Variants in CASTOR2 observed in about 807,000 individuals in gnomAD.
CASTOR2 encodes the protein cytosolic arginine sensor for mTORC1 subunit 2, also known as GATS protein like 2.
A neutral mutation model predicts 31.2 loss-of-function variants in CASTOR2; 8 were observed. The ratio of observed to expected loss-of-function variants is 0.26; its 90% CI spans 0.15 to 0.46. The LOEUF (loss-of-function observed/expected upper bound fraction) is 0.46. CASTOR2 is among the 20% of genes least tolerant of loss of function. The pLI, the probability that CASTOR2 is intolerant of heterozygous loss-of-function variation, is 0.99. For missense variants in CASTOR2, 216 were observed against 382.1 expected (o/e 0.57, Z 3.62); for synonymous variants, 162 against 158.7 (o/e 1.02, Z -0.16).
At chr7:75,011,504 G>T (rs1396295469) in intron 2 of CASTOR2, among the ~76,000 whole-genome samples, 1 of 151,378 alleles carries the variant, frequency 6.6e-6, no homozygotes, top group Non-Finnish European at 1.5e-5. Context: ...GGAGGCCGAG[G>T]TGGGTGGATC....
intron 1 of CASTOR2, among the ~76,000 whole-genome samples, chr7:74,998,483 A>T (rs1214496541): frequency 6.6e-6 from 1 of 151,982 alleles, no homozygotes; most frequent in Non-Finnish European, 1.5e-5. Context: ...CACGCCTGTA[A>T]TCCCGGCTAC....
At chr7:74,996,086 G>C (rs1249567361) in intron 1 of CASTOR2, among the ~76,000 whole-genome samples, 1 of 152,112 alleles carries the variant, frequency 6.6e-6, no homozygotes, top group Non-Finnish European at 1.5e-5. Context: ...GAGCGTGGCA[G>C]AGGGGCAGGG....
At chr7:75,011,418 G>A in intron 2 of CASTOR2, among the ~76,000 whole-genome samples, 1 of 121,946 alleles carries the variant, frequency 8.2e-6, no homozygotes. Flanking sequence ...GATGGAGCAA[G>A]ACTCCATCTC....
At chr7:74,999,094 C>A (rs1469469550) in intron 1 of CASTOR2, among the ~76,000 whole-genome samples, 21 of 152,184 alleles carry the variant, frequency 1.4e-4, no homozygotes, top group African/African-American at 5.1e-4. Context: ...CTCCTGTGCT[C>A]ACACCATTCT....
Position 75,028,192 on chromosome 7 carries a change from A to AAC in CASTOR2, c.*3493_*3494insAC. On this transcript the variant is annotated 3_prime_UTR_variant, in exon 9 of 9. Coordinates refer to ENST00000616305, the MANE Select transcript of CASTOR2 (RefSeq NM_001145064.3). ...GAGTGCTGTGGCATGATCTCAGCTC[A>AAC]CTGCAGCAACCTCCACTTCCTGGGT... is the stretch of plus-strand genomic sequence containing the variant. 1 of 990,162 alleles carries AAC rather than the reference A, an allele frequency of 1.0e-6. No homozygotes were observed. Among genetic ancestry groups the AAC allele is most frequent in the South Asian group, 1.7e-5 (1 of 57,518 alleles). 61.3% of individuals were successfully genotyped at this position (990,162 alleles called of 1,614,324 possible).
Position 74,989,475 on chromosome 7 carries a change from G to T in CASTOR2, c.114-18519G>T, listed in dbSNP as rs1804153258. On this transcript the variant is annotated intron_variant, in intron 1 of 8. Coordinates refer to ENST00000616305, the MANE Select transcript of CASTOR2 (RefSeq NM_001145064.3). ...CTCGCTCTGTCACCCAGGCTGGAGT[G>T]CAGTGGCGCAATCATAGCTCACCAC... 2.0e-5 allele frequency among the ~76,000 whole-genome samples: 3 copies of T among 152,064 alleles called. 1 individual carries two copies. The South Asian group carries it at 6.2e-4, about 31-fold the overall frequency.
At chr7:75,021,586 C>G (rs1341513905) in intron 6 of CASTOR2, among the ~76,000 whole-genome samples, 1 of 152,188 alleles carries the variant, frequency 6.6e-6, no homozygotes, top group Non-Finnish European at 1.5e-5. Context: ...AGCTTGTGCT[C>G]TGGACCTGGG....
In CASTOR2 at chr7:75,021,867, T is replaced by G; in HGVS notation, c.747-7T>G. ...CCTCGGGGATTCTTCTCTCGCTCCT[T>G]TTGAAGGTTTCCTAGTAACTTGCTG... On this transcript the variant is annotated splice_polypyrimidine_tract_variant and splice_region_variant and intron_variant, in intron 6 of 8. Transcript: ENST00000616305. 2 of 1,551,646 alleles carry G rather than the reference T, an allele frequency of 1.3e-6. No individual in the cohort carries two copies. The highest frequency in any genetic ancestry group is 1.7e-6 in the Non-Finnish European group (2 of 1,146,862).
intron 1 of CASTOR2, among the ~76,000 whole-genome samples, chr7:74,999,876 G>A (rs1804452988): frequency 6.6e-6 from 1 of 152,112 alleles, no homozygotes; most frequent in African/African-American, 2.4e-5. Context: ...GCCTTCCAAA[G>A]TGCTGGGATT....
intron 1 of CASTOR2, among the ~76,000 whole-genome samples, chr7:74,998,912 C>G (rs1251858329): frequency 3.5e-4 from 53 of 152,204 alleles, no homozygotes; most frequent in Middle Eastern, 6.8e-3. Context: ...CATAATCACC[C>G]TGGAATTTGC....
chr7:75,003,912 C>T (rs1186726979), intron 1 of CASTOR2, among the ~76,000 whole-genome samples: 1 of 152,124 alleles, frequency 6.6e-6, no homozygotes, highest in Non-Finnish European at 1.5e-5. Context: ...GAGATGTCCC[C>T]TAGCTCAGCC....
intron 1 of CASTOR2, among the ~76,000 whole-genome samples, chr7:74,992,958 T>C (rs1804247678): frequency 6.6e-6 from 1 of 151,600 alleles, no homozygotes; most frequent in Admixed American, 6.6e-5. Flanking sequence ...CCCAGCACTT[T>C]GGGAGGCCGA....
Position 75,026,241 on chromosome 7 carries a change from A to G in CASTOR2, c.*1542A>G, listed in dbSNP as rs1162267133. On this transcript the variant is annotated 3_prime_UTR_variant, in exon 9 of 9. Coordinates refer to ENST00000616305, the MANE Select transcript of CASTOR2 (RefSeq NM_001145064.3). ...GTCTGGCTCTGTTGCCTAGGCTGGA[A>G]TGCAGTGGCACGATCTTGGCTCACT... Among the ~76,000 whole-genome samples, 2 of 143,130 alleles carry G rather than the reference A, an allele frequency of 1.4e-5. No individual in the cohort carries two copies. The highest frequency in any genetic ancestry group is 2.3e-4 in the South Asian group (1 of 4,438). The allele number at this position is 143,130 out of a possible 152,430, so 93.9% of individuals were successfully genotyped here.
Position 74,972,473 on chromosome 7 carries a change from C to G in CASTOR2, c.113+7375C>G, listed in dbSNP as rs1803698095. ...AATGCTGTTATCTTTAAATTCCATT[C>G]TAGAAAGTCCACTGGATTGGCAAAA... On this transcript the variant is annotated intron_variant, in intron 1 of 8. Coordinates refer to ENST00000616305, the MANE Select transcript of CASTOR2 (RefSeq NM_001145064.3). Among the ~76,000 whole-genome samples, 3 of 151,190 alleles carry G rather than the reference C, an allele frequency of 2.0e-5. 1 individual carries two copies. The highest frequency in any genetic ancestry group is 7.3e-5 in the African/African-American group (3 of 41,266).
In CASTOR2 at chr7:75,024,865, A is replaced by G. The variant is rs1805084903; in HGVS notation, c.*166A>G. 1.3e-6 allele frequency: 2 copies of G among 1,513,854 alleles called. No homozygotes were observed. Among genetic ancestry groups the G allele is most frequent in the Admixed American group, 4.0e-5 (2 of 49,896 alleles). The allele number at this position is 1,513,854 out of a possible 1,614,324, so 93.8% of individuals were successfully genotyped here. On this transcript the variant is annotated 3_prime_UTR_variant, in exon 9 of 9. Transcript: ENST00000616305. ...GCCAATCCCTCCAGGGCAGGGGCCC[A>G]CGCCAAGGCCTCTCCATGCCCTCCT...
chr7:75,009,641 A>G (rs1804693288), intron 2 of CASTOR2, among the ~76,000 whole-genome samples: 1 of 151,654 alleles, frequency 6.6e-6, no homozygotes, highest in Admixed American at 6.6e-5. Context: ...GGTGGAAAAC[A>G]TTAATGGAGG....
At chr7:74,983,812 G>T (rs1665716323) in intron 1 of CASTOR2, among the ~76,000 whole-genome samples, 1 of 150,870 alleles carries the variant, frequency 6.6e-6, no homozygotes, top group Admixed American at 6.6e-5. Context: ...TTTGAAGACA[G>T]GGTCTCGCTC....
intron 1 of CASTOR2, among the ~76,000 whole-genome samples, chr7:75,007,040 G>A (rs1234261544): frequency 7.2e-5 from 11 of 152,230 alleles, no homozygotes; most frequent in South Asian, 2.1e-4. Flanking sequence ...GCCCATGCCC[G>A]GCTTTGTGCT....
intron 2 of CASTOR2, among the ~76,000 whole-genome samples, chr7:75,012,942 C>A (rs1584474700): frequency 6.6e-6 from 1 of 151,918 alleles, no homozygotes; most frequent in South Asian, 2.1e-4. Flanking sequence ...CCACCGTGCA[C>A]AGCCCACTGG....
Sources: allele counts gnomAD v4.1 joint callset (sites outside exome capture counted in the v4.1 genomes callset), GRCh38; gene constraint gnomAD v4.1.1; transcripts MANE v1.5; gene names NCBI Gene and HGNC (gene_info 2026-07-23, HGNC 2026-07-21).